The following SLC25A47 variants were observed in gnomAD, a reference collection of about 807,000 sequenced individuals.
SLC25A47 encodes HCC-down-regulated mitochondrial carrier protein.
A neutral mutation model predicts 29.8 loss-of-function variants in SLC25A47; 30 were observed. The observed-to-expected ratio is 1.01, with a 90% CI of 0.75 to 1.36. The LOEUF (loss-of-function observed/expected upper bound fraction) is 1.36. Among genes scored for constraint, SLC25A47 ranks in the 40% most tolerant of loss-of-function variants. The pLI is 0.00. For synonymous variants in SLC25A47, 204 were observed against 197.8 expected, an observed-to-expected ratio of 1.03 and a Z score of -0.26; for missense variants, 430 against 441.9, an observed-to-expected ratio of 0.97 and a Z score of 0.24.
At chr14:100,326,116 G>C in intron 2 of SLC25A47, 41 bp from the exon 3 acceptor site, 1 of 1,563,318 alleles carries the variant, frequency 6.4e-7, no homozygotes. Context: ...CCTTGCCCTA[G>C]GCCTGGAGCC....
At chr14:100,323,511 A>G (rs1893285157) in intron 1 of SLC25A47, 69 bp downstream of exon 1, 16 of 1,588,966 alleles carry the variant, frequency 1.0e-5, no homozygotes, top group Middle Eastern at 1.7e-4. Flanking sequence ...ACTGAGGTCC[A>G]GGAAGGTGCT....
chr14:100,325,736 A>G, intron 1 of SLC25A47, 52 bp from the exon 2 acceptor site: 2 of 1,587,188 alleles, frequency 1.3e-6, no homozygotes, highest in Non-Finnish European at 8.6e-7. Context: ...AATGGGGTTG[A>G]ACTGCTCGCC....
At chr14:100,328,663 G>A in intron 4 of SLC25A47, 63 bp from the exon 5 acceptor site, 1 of 1,528,688 alleles carries the variant, frequency 6.5e-7, no homozygotes, top group Non-Finnish European at 9.1e-7. Context: ...GCTGGTGGGA[G>A]GCCAGGTCCA....
intron 1 of SLC25A47, 131 bp downstream of exon 1, chr14:100,323,573 A>AACCTGCTCTCTGCTCCTG: frequency 9.2e-7 from 1 of 1,089,472 alleles, no homozygotes; most frequent in Non-Finnish European, 1.4e-6. Flanking sequence ...ATCTGCCAGG[A>AACCTGCTCTCTGCTCCTG]GCAGAGAGCA....
intron 5 of SLC25A47, 49 bp downstream of exon 5, chr14:100,329,093 G>A (rs773288195): frequency 1.3e-6 from 2 of 1,578,012 alleles, no homozygotes; most frequent in South Asian, 2.2e-5. Context: ...GAAGGATGAG[G>A]AGGTCAAGGT....
In SLC25A47 at chr14:100,327,229, G is replaced by T; in HGVS notation, c.186G>T (p.Thr62=). 1 of 1,609,608 alleles carries T rather than the reference G, an allele frequency of 6.2e-7. No individual in the cohort carries two copies. The highest frequency in any genetic ancestry group is 8.5e-7 in the Non-Finnish European group (1 of 1,179,838). ...FYRGLSLPVC[T]VSLVSSVSFG... ...GGGGCCTCTCGCTGCCCGTGTGCAC[G>T]GTGTCCCTGGTATCTTCCGTGTCTT... Residue 62 remains threonine, a synonymous_variant, in exon 4 of 6, where the codon ACG becomes ACT. Transcript: ENST00000361529.
chr14:100,328,789 A>AAGC lies in SLC25A47; in HGVS notation c.398_400dup (p.Gln133dup), dbSNP rs776680122. 66 of 1,612,894 alleles carry AAGC rather than the reference A, an allele frequency of 4.1e-5. No individual in the cohort carries two copies. Among genetic ancestry groups the AAGC allele is most frequent in the Non-Finnish European group, 5.3e-5 (63 of 1,179,948 alleles). On this transcript the variant is annotated inframe_insertion, in exon 5 of 6. Coordinates refer to ENST00000361529, the MANE Select transcript of SLC25A47 (RefSeq NM_207117.4). ...CTTGCAGACGCAGACACAGGCGCAG[A>AAGC]AGCAGCAGCGGCGGCTTTCGGCCTC...
At position 100,330,016 on chromosome 14, in the gene SLC25A47, C is replaced by G. The variant is rs1177120624; in HGVS notation, c.*371C>G. On this transcript the variant is annotated 3_prime_UTR_variant, in exon 6 of 6. Coordinates refer to ENST00000361529, the MANE Select transcript of SLC25A47 (RefSeq NM_207117.4). ...AGTCAGGTGTGTGCTCAGCCACCCT[C>G]TGCCCCATTCCTAGACCCTCACCCC... is the stretch of plus-strand genomic sequence containing the variant. 1 of 281,270 alleles carries G rather than the reference C, an allele frequency of 3.6e-6. No individual in the cohort carries two copies. Among genetic ancestry groups the G allele is most frequent in the African/African-American group, 2.2e-5 (1 of 46,168 alleles). 17.4% of individuals were successfully genotyped at this position (281,270 alleles called of 1,614,324 possible). A position where few individuals can be genotyped will look rare whatever the true frequency, so the allele number is the denominator to read the frequency against.
intron 3 of SLC25A47, among the ~76,000 whole-genome samples, chr14:100,326,819 C>T (rs1337671957): frequency 6.6e-6 from 1 of 152,128 alleles, no homozygotes; most frequent in Non-Finnish European, 1.5e-5. Context: ...ACTAAAAATA[C>T]AAAAATTAGC....
rs200676943 is a variant in SLC25A47 at position 100,329,376 on chromosome 14, G to A, written c.658G>A (p.Val220Met). 3.9e-5 allele frequency: 63 copies of A among 1,603,398 alleles called. No homozygotes were observed. In the East Asian group the frequency reaches 6.3e-4, roughly 16 times the overall value. ...TGGTCTCTCTGCAGATGTCCCGGGC[G>A]TGCTGGTGGCCGGGGGCTGTGCAGG... ...AGHSRPDVPG[V>M]LVAGGCAGVL... The change falls in exon 6 of 6, where the codon GTG becomes ATG. Residue 220 changes from valine (V) to methionine (M), a missense_variant. Val to Met is a conservative substitution (Grantham distance 21). Coordinates refer to ENST00000361529, the MANE Select transcript of SLC25A47 (RefSeq NM_207117.4).
chr14:100,324,233 T>G (rs1447400398), intron 1 of SLC25A47, among the ~76,000 whole-genome samples: 1 of 152,018 alleles, frequency 6.6e-6, no homozygotes, highest in Admixed American at 6.5e-5. Context: ...TTTTCTTTTT[T>G]TTTTCCCTTG....
chr14:100,324,517 G>T (rs996098726), intron 1 of SLC25A47, among the ~76,000 whole-genome samples: 1 of 152,192 alleles, frequency 6.6e-6, no homozygotes, highest in African/African-American at 2.4e-5. Flanking sequence ...GAGCCACTGC[G>T]CCCGGCCTCC....
rs2139849830 is a variant in SLC25A47 at position 100,329,929 on chromosome 14, GTTGTTCATC to G, written c.*285_*293del. 2.1e-6 allele frequency: 1 copy of G among 487,650 alleles called. No individual in the cohort carries two copies. Among genetic ancestry groups the G allele is most frequent in the African/African-American group, 1.9e-5 (1 of 51,754 alleles). 30.2% of individuals were successfully genotyped at this position (487,650 alleles called of 1,614,324 possible). The stretch of plus-strand genomic sequence containing the variant: ...GAGAGCGTTGAGTTGCATGGAGTCG[GTTGTTCATC>G]CCAGCCTCCCCATGGCCCTCGCCTC... On this transcript the variant is annotated 3_prime_UTR_variant, in exon 6 of 6. Transcript: ENST00000361529.
At chr14:100,328,641 GA>G in intron 4 of SLC25A47, 84 bp from the exon 5 acceptor site, 1 of 1,414,770 alleles carries the variant, frequency 7.1e-7, no homozygotes, top group East Asian at 2.3e-5. Context: ...AGGTCACCGT[GA>G]GCAACATGAG....
rs773307181 is a variant in SLC25A47 at position 100,327,232 on chromosome 14, G to A, written c.189G>A (p.Val63=). The A allele has an allele frequency of 6.2e-7, 1 of 1,609,774 alleles. No homozygotes were observed. The highest frequency in any genetic ancestry group is 2.2e-5 in the East Asian group (1 of 44,882). ...GCCTCTCGCTGCCCGTGTGCACGGT[G>A]TCCCTGGTATCTTCCGTGTCTTTTG... ...YRGLSLPVCT[V]SLVSSVSFGT... is the part of the protein sequence containing the mutation. Residue 63 remains valine, a synonymous_variant, in exon 4 of 6, where the codon GTG becomes GTA. Coordinates refer to ENST00000361529, the MANE Select transcript of SLC25A47 (RefSeq NM_207117.4).
In SLC25A47 at chr14:100,327,284, A is replaced by ATC; in HGVS notation, c.243_244dup (p.Cys82SerfsTer32). The ATC allele has an allele frequency of 6.2e-7, 1 of 1,606,364 alleles. No individual in the cohort carries two copies. Among genetic ancestry groups the ATC allele is most frequent in the Non-Finnish European group, 8.5e-7 (1 of 1,179,914 alleles). On this transcript the variant is annotated frameshift_variant, in exon 4 of 6. Transcript: ENST00000361529. LOFTEE classifies it high-confidence loss of function. ...CACCTACCGCCACTGCCTGGCGCAC[A>ATC]TCTGCCGGCTCCGGTACGGCAACCC...
At chr14:100,323,473 A>G (rs752414815) in intron 1 of SLC25A47, 31 bp downstream of exon 1, 2 of 1,612,798 alleles carry the variant, frequency 1.2e-6, no homozygotes, top group Non-Finnish European at 1.7e-6. Flanking sequence ...CTGTGCAGAC[A>G]CTGCTGCTCC....
Position 100,329,416 on chromosome 14 carries a change from C to T in SLC25A47, c.698C>T (p.Ala233Val), listed in dbSNP as rs761284179. Residue 233 changes from alanine to valine, a missense_variant, in exon 6 of 6, where the codon GCT becomes GTT. Coordinates refer to ENST00000361529, the MANE Select transcript of SLC25A47 (RefSeq NM_207117.4). ...AGGCAGVLAW[A>V]VATPMDVIKS... ...GGCTGTGCAGGAGTCCTGGCCTGGG[C>T]TGTGGCCACCCCCATGGACGTGATC... 8.7e-6 allele frequency: 14 copies of T among 1,612,856 alleles called. No individual in the cohort carries two copies. Among genetic ancestry groups the T allele is most frequent in the East Asian group, 2.2e-5 (1 of 44,870 alleles).
At chr14:100,325,733 T>A (rs1893326040) in intron 1 of SLC25A47, 55 bp from the exon 2 acceptor site, 4 of 1,579,606 alleles carry the variant, frequency 2.5e-6, no homozygotes, top group Non-Finnish European at 1.7e-6. Context: ...TGCAATGGGG[T>A]TGAACTGCTC....
Sources: gnomAD v4.1 joint callset for allele counts (sites outside exome capture counted in the v4.1 genomes callset) on GRCh38, gnomAD v4.1.1 for gene constraint, MANE v1.5 for transcripts, NCBI Gene and HGNC (gene_info 2026-07-23, HGNC 2026-07-21) for gene names.